The following USP46 variants were observed in gnomAD, a reference collection of about 807,000 sequenced individuals.
USP46 encodes ubiquitin specific peptidase 46.
USP46 carries 12 observed loss-of-function variants against 44.4 expected under a neutral mutation model. The ratio of observed to expected loss-of-function variants is 0.27; its 90% CI spans 0.17 to 0.44. The LOEUF is 0.44. Ranked by LOEUF, USP46 falls within the 20% of genes least tolerant of loss-of-function variation. The pLI is 1.00. For synonymous variants in USP46, 155 were observed against 161.5 expected (o/e 0.96, Z 0.31); for missense variants, 248 against 444.8 (o/e 0.56, Z 3.98).
At position 52,627,773 on chromosome 4, in the gene USP46, T is replaced by C. The variant is rs1187514384; in HGVS notation, c.331+177A>G. Among the ~76,000 whole-genome samples the C allele has an allele frequency of 2.0e-5, 3 of 152,248 alleles. No individual in the cohort carries two copies. In the East Asian group the frequency reaches 5.8e-4, roughly 29 times the overall value. ...TTTAAGCATGTTTCTAACCCAGTTTTGTTTTAAGTTTACTGGGCAGAGAAG... is the reference window on the plus strand; with the variant it reads ...TTTAAGCATGTTTCTAACCCAGTTTCGTTTTAAGTTTACTGGGCAGAGAAG... On this transcript the variant is annotated intron_variant, in intron 3 of 8. Coordinates refer to ENST00000441222, the MANE Select transcript of USP46 (RefSeq NM_022832.4).
intron 4 of USP46, among the ~76,000 whole-genome samples, chr4:52,611,890 A>C (rs1716943879): frequency 6.7e-6 from 1 of 149,580 alleles, no homozygotes; most frequent in African/African-American, 2.4e-5. Flanking sequence ...ACCCTGTCTC[A>C]AAAAAAAAAG....
Position 52,659,054 on chromosome 4 carries a change from G to A in USP46, c.36+61C>T. 3 of 1,516,414 alleles carry A rather than the reference G, an allele frequency of 2.0e-6. No individual in the cohort carries two copies. The highest frequency in any genetic ancestry group is 2.5e-5 in the South Asian group (2 of 81,004). 93.9% of individuals were successfully genotyped at this position (1,516,414 alleles called of 1,614,324 possible). On this transcript the variant is annotated intron_variant, in intron 1 of 8. Coordinates refer to ENST00000441222, the MANE Select transcript of USP46 (RefSeq NM_022832.4). This position sits in a 1 kb window ranked among gnomAD's most constrained non-coding sequence, Gnocchi z 4.2. ...GCCACCGGGCGTGTGTGCAGCTCGG[G>A]CTTCCCTTTCTTTGCCTCGCCGCGA...
chr4:52,636,143 A>G (rs974087804), intron 1 of USP46, among the ~76,000 whole-genome samples: 4 of 152,184 alleles, frequency 2.6e-5, no homozygotes, highest in Non-Finnish European at 4.4e-5. Flanking sequence ...GTCAATCACA[A>G]GGGTCCTTCC....
chr4:52,654,584 T>C (rs1331121868), intron 1 of USP46, among the ~76,000 whole-genome samples: 4 of 152,336 alleles, frequency 2.6e-5, no homozygotes, highest in Non-Finnish European at 4.4e-5. Context: ...TTGGTAGAGA[T>C]TGGGTCTCAC....
intron 5 of USP46, 113 bp downstream of exon 5, chr4:52,610,428 G>C (rs1201996427): frequency 9.1e-6 from 8 of 882,510 alleles, no homozygotes; most frequent in Non-Finnish European, 1.4e-5. Flanking sequence ...AAAATAATAG[G>C]ATCATATTGG....
intron 1 of USP46, among the ~76,000 whole-genome samples, chr4:52,632,984 G>A (rs75189933): frequency 5.7e-5 from 3 of 52,618 alleles, no homozygotes; most frequent in East Asian, 5.5e-4. Context: ...AAGAAAGAAA[G>A]AAAAGAAAAG....
chr4:52,628,077 G>A lies in USP46; in HGVS notation c.204C>T (p.Ala68=), dbSNP rs1717661838. The A allele has an allele frequency of 3.7e-6, 6 of 1,613,778 alleles. No homozygotes were observed. Among genetic ancestry groups the A allele is most frequent in the Non-Finnish European group, 5.1e-6 (6 of 1,179,874 alleles). ...GCAAGTTTTCCTTCTTCTTTTGCTG[G>A]GCCTTGTATGCCAACACATTCTCCC... ...PFRENVLAYK[A]QQKKKENLLT... Residue 68 remains alanine, a synonymous_variant, in exon 3 of 9, where the codon GCC becomes GCT. Transcript: ENST00000441222.
chr4:52,608,498 G>C (rs1716790741), intron 5 of USP46, among the ~76,000 whole-genome samples: 2 of 152,266 alleles, frequency 1.3e-5, no homozygotes, highest in East Asian at 3.9e-4. Context: ...AGGAGCTGAG[G>C]AGATGAATAC....
intron 1 of USP46, among the ~76,000 whole-genome samples, chr4:52,642,569 C>A (rs1014541347): frequency 3.3e-5 from 5 of 152,302 alleles, no homozygotes; most frequent in African/African-American, 1.2e-4. Context: ...TTCTGAAGCA[C>A]CCCTTGAAAT....
rs373947916 is a variant in USP46 at position 52,622,497 on chromosome 4, CATTT to C, written c.561+3517_561+3520del. Among the ~76,000 whole-genome samples, 36 of 152,204 alleles carry C rather than the reference CATTT, an allele frequency of 2.4e-4. No individual in the cohort carries two copies. In the East Asian group the frequency reaches 6.4e-3, roughly 27 times the overall value. On this transcript the variant is annotated intron_variant, in intron 4 of 8. Coordinates refer to ENST00000441222, the MANE Select transcript of USP46 (RefSeq NM_022832.4). ...CTTCAAGAAACATGACAAACATTTT[CATTT>C]ATTTATTCACTCAACTATTTATTAA...
intron 1 of USP46, among the ~76,000 whole-genome samples, chr4:52,644,823 C>T (rs1402652846): frequency 1.3e-5 from 2 of 151,562 alleles, no homozygotes; most frequent in African/African-American, 4.9e-5. Context: ...TTTGAGAGGC[C>T]GAGGTGGGTG....
chr4:52,619,497 T>C (rs1717297641), intron 4 of USP46, among the ~76,000 whole-genome samples: 2 of 152,210 alleles, frequency 1.3e-5, no homozygotes, highest in South Asian at 4.1e-4. Context: ...TTGGCAATTC[T>C]GACTGAAGCA....
chr4:52,633,010 G>GAAAGAAAGAAAGA (rs1717974179), intron 1 of USP46, among the ~76,000 whole-genome samples: 1 of 115,964 alleles, frequency 8.6e-6, no homozygotes, highest in Admixed American at 8.5e-5. Flanking sequence ...AAGAAAGAAA[G>GAAAGAAAGAAAGA]AAAGAAAGAA....
At chr4:52,644,557 G>A (rs1045605799) in intron 1 of USP46, among the ~76,000 whole-genome samples, 8 of 151,956 alleles carry the variant, frequency 5.3e-5, no homozygotes, top group African/African-American at 1.7e-4. Flanking sequence ...TGTGAACTGC[G>A]CATCAGAGGG....
At chr4:52,610,725 A>G in intron 4 of USP46, 108 bp from the exon 5 acceptor site, 1 of 1,018,870 alleles carries the variant, frequency 9.8e-7, no homozygotes, top group Non-Finnish European at 1.5e-6. Flanking sequence ...AACTGCAGTT[A>G]AAGTCCTGCA....
chr4:52,628,639 T>C (rs574118056), intron 2 of USP46, among the ~76,000 whole-genome samples: 4 of 152,364 alleles, frequency 2.6e-5, no homozygotes, highest in Admixed American at 6.5e-5. Context: ...TGAAACAGCC[T>C]AAACTGAACA....
At chr4:52,628,204 G>A in intron 2 of USP46, 41 bp from the exon 3 acceptor site, 1 of 1,590,292 alleles carries the variant, frequency 6.3e-7, no homozygotes, top group South Asian at 1.1e-5. Flanking sequence ...CATTGCCTGG[G>A]GATGAGCCAC....
At chr4:52,648,315 T>C (rs992483285) in intron 1 of USP46, among the ~76,000 whole-genome samples, 4 of 152,202 alleles carry the variant, frequency 2.6e-5, no homozygotes, top group Non-Finnish European at 5.9e-5. Flanking sequence ...CTATGGGCCA[T>C]GAATCCTGGA....
Position 52,595,538 on chromosome 4 carries a change from T to C in USP46, c.*2102A>G, listed in dbSNP as rs1302278631. On this transcript the variant is annotated 3_prime_UTR_variant, in exon 9 of 9. Transcript: ENST00000441222. Reference sequence around the variant, plus strand: ...ATGCTGAATTTTAACTGACTCTTTCTATTAAAAGGAATTACTTCGATTAAA... The same window carrying C: ...ATGCTGAATTTTAACTGACTCTTTCCATTAAAAGGAATTACTTCGATTAAA... The C allele has an allele frequency of 6.6e-6, 1 of 152,280 alleles. No individual in the cohort carries two copies. The highest frequency in any genetic ancestry group is 1.5e-5 in the Non-Finnish European group (1 of 68,046). 9.4% of individuals were successfully genotyped at this position (152,280 alleles called of 1,614,324 possible).
Sources: gnomAD v4.1 joint callset for allele counts (sites outside exome capture counted in the v4.1 genomes callset) on GRCh38, gnomAD v4.1.1 for gene constraint, Gnocchi (gnomAD v3.1) non-coding constraint, MANE v1.5 for transcripts, NCBI Gene and HGNC (gene_info 2026-07-23, HGNC 2026-07-21) for gene names.